Variants in WDR7 observed in about 807,000 individuals in gnomAD.
The protein encoded by WDR7 is WD repeat domain 7, also known as WD repeat-containing protein 7.
Under a neutral mutation model 169.4 loss-of-function variants are expected in WDR7, and 46 were observed. The observed-to-expected ratio is 0.27, with a 90% CI of 0.21 to 0.35. The LOEUF (loss-of-function observed/expected upper bound fraction) is 0.35, where lower values mean the gene tolerates loss of function less well. Among genes scored for constraint, WDR7 ranks in the 10% least tolerant of loss-of-function variants. The pLI is 1.00. For missense variants in WDR7, 1,534 were observed against 1,859.3 expected (o/e 0.83, Z 3.22); for synonymous variants, 612 against 666.8 (o/e 0.92, Z 1.27).
downstream of WDR7, chr18:57,032,252 CT>C (rs1235016498): frequency 1.3e-5 from 2 of 152,182 alleles, no homozygotes; most frequent in African/African-American, 4.8e-5. Flanking sequence ...TAATGAGTTT[CT>C]TCCAAATATG....
intron 25 of WDR7, among the ~76,000 whole-genome samples, chr18:56,952,868 C>G (rs184895547): frequency 5.9e-5 from 9 of 152,182 alleles, no homozygotes; most frequent in African/African-American, 1.9e-4. Context: ...TATATGATCC[C>G]CAGCTATATG....
intron 14 of WDR7, among the ~76,000 whole-genome samples, chr18:56,751,122 A>G (rs1034936766): frequency 1.3e-5 from 2 of 151,988 alleles, no homozygotes; most frequent in African/African-American, 4.8e-5. Flanking sequence ...CAATGACACA[A>G]TCAGTGCACT....
intron 22 of WDR7, among the ~76,000 whole-genome samples, chr18:56,934,891 G>C (rs943038517): frequency 4.6e-5 from 7 of 152,072 alleles, no homozygotes; most frequent in African/African-American, 1.7e-4. Flanking sequence ...TCCATACTGA[G>C]TAACAAAATA....
intron 16 of WDR7, among the ~76,000 whole-genome samples, chr18:56,773,063 G>A (rs957360315): frequency 6.6e-6 from 1 of 152,126 alleles, no homozygotes; most frequent in Non-Finnish European, 1.5e-5. Context: ...TGTTGCATGA[G>A]CTGCCAATTC....
chr18:56,856,671 A>C (rs1165183774), intron 20 of WDR7, among the ~76,000 whole-genome samples: 1 of 152,074 alleles, frequency 6.6e-6, no homozygotes, highest in Non-Finnish European at 1.5e-5. Context: ...TCCTAGAGTT[A>C]CTAAGTCTTT....
intron 26 of WDR7, among the ~76,000 whole-genome samples, chr18:56,988,196 G>C (rs145617176): frequency 2.6e-5 from 4 of 152,154 alleles, no homozygotes; most frequent in Admixed American, 6.5e-5. Flanking sequence ...AAGCAATAAG[G>C]CTTGACAGGG....
At chr18:56,972,174 A>G (rs2047498197) in intron 26 of WDR7, among the ~76,000 whole-genome samples, 1 of 152,240 alleles carries the variant, frequency 6.6e-6, no homozygotes, top group Non-Finnish European at 1.5e-5. Context: ...AAGACACTAG[A>G]TAGCAAAAGA....
chr18:56,925,012 A>G (rs1341299720), intron 22 of WDR7, among the ~76,000 whole-genome samples: 1 of 152,176 alleles, frequency 6.6e-6, no homozygotes, highest in African/African-American at 2.4e-5. Flanking sequence ...CATATCTCAT[A>G]TAAACAGAAC....
At chr18:56,715,801 G>A (rs1255434622) in intron 12 of WDR7, among the ~76,000 whole-genome samples, 1 of 152,194 alleles carries the variant, frequency 6.6e-6, no homozygotes, top group Non-Finnish European at 1.5e-5. Flanking sequence ...CGTAGAAAAA[G>A]ATAACTGTTT....
At chr18:56,946,305 G>T (rs970200293) in intron 25 of WDR7, among the ~76,000 whole-genome samples, 2 of 152,184 alleles carry the variant, frequency 1.3e-5, no homozygotes, top group Non-Finnish European at 1.5e-5. Flanking sequence ...ATAAGAACAT[G>T]GTGGCCCCGT....
At chr18:56,915,283 C>T (rs1317453390) in intron 21 of WDR7, among the ~76,000 whole-genome samples, 1 of 152,122 alleles carries the variant, frequency 6.6e-6, no homozygotes, top group African/African-American at 2.4e-5. Context: ...TTCTAGATGG[C>T]ACTGTGCCAT....
rs1599231827 is a variant in WDR7 at position 56,997,488 on chromosome 18, A to G, written c.4165-23257A>G. On this transcript the variant is annotated intron_variant, in intron 26 of 27. Transcript: ENST00000254442. ...GTGGGTTGTTGCCTGACAAAGTGAA[A>G]TACAGAGTTATGCTGAATTATCCAA... Among the ~76,000 whole-genome samples the G allele has an allele frequency of 7.2e-5, 11 of 152,332 alleles. 2 individuals are homozygous for G. In the South Asian group the frequency reaches 2.3e-3, roughly 32 times the overall value.
At chr18:56,735,138 G>T (rs1020448528) in intron 14 of WDR7, among the ~76,000 whole-genome samples, 2 of 152,104 alleles carry the variant, frequency 1.3e-5, no homozygotes, top group Non-Finnish European at 2.9e-5. Context: ...GAATTGTGAG[G>T]TTACTGGAAT....
intron 13 of WDR7, among the ~76,000 whole-genome samples, chr18:56,729,552 A>G (rs1035423767): frequency 1.3e-5 from 2 of 152,034 alleles, no homozygotes; most frequent in East Asian, 1.9e-4. Flanking sequence ...GTTAATATAT[A>G]TAGCAGAGCA....
intron 16 of WDR7, among the ~76,000 whole-genome samples, chr18:56,773,508 T>C (rs9956795): frequency 0.014 from 2,099 of 152,270 alleles, 46 homozygotes; most frequent in African/African-American, 0.048. Context: ...ATTAGTTTTC[T>C]TGCCAATATT....
intron 19 of WDR7, among the ~76,000 whole-genome samples, chr18:56,795,478 T>TC (rs1484255780): frequency 1.3e-5 from 2 of 152,198 alleles, no homozygotes; most frequent in Non-Finnish European, 2.9e-5. Flanking sequence ...ATACTGATAT[T>TC]CCCCAATAAA....
At chr18:56,817,850 T>C (rs1168372554) in intron 20 of WDR7, among the ~76,000 whole-genome samples, 1 of 151,772 alleles carries the variant, frequency 6.6e-6, no homozygotes, top group Non-Finnish European at 1.5e-5. Flanking sequence ...GTTCAAGCAA[T>C]TCTCCTGCCT....
At chr18:56,916,225 G>C (rs538469336) in intron 21 of WDR7, among the ~76,000 whole-genome samples, 1 of 151,948 alleles carries the variant, frequency 6.6e-6, no homozygotes, top group African/African-American at 2.4e-5. Flanking sequence ...CCATTAACTC[G>C]TCATTTACAT....
At chr18:56,717,026 A>T (rs2026209171) in intron 12 of WDR7, among the ~76,000 whole-genome samples, 1 of 152,166 alleles carries the variant, frequency 6.6e-6, no homozygotes, top group Non-Finnish European at 1.5e-5. Context: ...TTTTCTTTAG[A>T]TCCCATACAA....
Sources: gnomAD v4.1 joint callset for allele counts (sites outside exome capture counted in the v4.1 genomes callset) on GRCh38, gnomAD v4.1.1 for gene constraint, MANE v1.5 for transcripts, NCBI Gene and HGNC (gene_info 2026-07-23, HGNC 2026-07-21) for gene names.